The following ME1 variants were observed in gnomAD, a reference collection of about 807,000 sequenced individuals.
ME1 encodes the protein NADP-dependent malic enzyme.
A neutral mutation model predicts 66.4 loss-of-function variants in ME1; 74 were observed. The ratio of observed to expected loss-of-function variants is 1.11; its 90% CI spans 0.92 to 1.35. The LOEUF (loss-of-function observed/expected upper bound fraction) is 1.35, where lower values mean the gene tolerates loss of function less well. Ranked by LOEUF, ME1 falls within the 40% of genes most tolerant of loss-of-function variation. The pLI, the probability that ME1 is intolerant of heterozygous loss-of-function variation, is 0.00. For synonymous variants in ME1, 251 were observed against 235.6 expected, an observed-to-expected ratio of 1.07 and a Z score of -0.60; for missense variants, 750 against 694.1, an observed-to-expected ratio of 1.08 and a Z score of -0.90.
chr6:83,217,885 G>A (rs990208211), intron 12 of ME1, among the ~76,000 whole-genome samples: 7 of 152,146 alleles, frequency 4.6e-5, no homozygotes, highest in African/African-American at 1.4e-4. Context: ...GTTAAATCCC[G>A]TCGGTGACTA....
intron 5 of ME1, among the ~76,000 whole-genome samples, chr6:83,329,108 T>C (rs1768358118): frequency 6.6e-6 from 1 of 152,166 alleles, no homozygotes; most frequent in Non-Finnish European, 1.5e-5. Context: ...TGTCTGAGAA[T>C]TTAAAAATAT....
intron 3 of ME1, chr6:83,393,073 T>C: frequency 6.9e-7 from 1 of 1,447,998 alleles, no homozygotes; most frequent in South Asian, 1.2e-5. Flanking sequence ...ATCCCTGAGC[T>C]AAACGGGAAG....
intron 6 of ME1, among the ~76,000 whole-genome samples, chr6:83,266,479 A>G (rs1414772423): frequency 6.7e-6 from 1 of 149,668 alleles, no homozygotes; most frequent in Non-Finnish European, 1.5e-5. Flanking sequence ...GTCCTGAGTT[A>G]TGTCTATTTA....
At chr6:83,374,010 T>C (rs1769241498) in intron 3 of ME1, among the ~76,000 whole-genome samples, 1 of 152,216 alleles carries the variant, frequency 6.6e-6, no homozygotes, top group Non-Finnish European at 1.5e-5. Flanking sequence ...CAGTCTATCA[T>C]TGATGACCAT....
chr6:83,387,292 A>G (rs1282105997), intron 3 of ME1, among the ~76,000 whole-genome samples: 1 of 152,178 alleles, frequency 6.6e-6, no homozygotes, highest in East Asian at 1.9e-4. Flanking sequence ...CTCTCCTTTG[A>G]TAGTATAATT....
rs1201755125 is a variant in ME1, at chr6:83,349,005, A to AC, written c.439-2672_439-2671insG. ...GTCTCAAAAAAAAAAAAAAAAACAA[A>AC]AAACAAAAAACAGTGCATTCTTTCT... On this transcript the variant is annotated intron_variant, in intron 4 of 13. Coordinates refer to ENST00000369705, the MANE Select transcript of ME1 (RefSeq NM_002395.6). 2.6e-4 allele frequency among the ~76,000 whole-genome samples: 38 copies of AC among 148,408 alleles called. 1 individual carries two copies. Among genetic ancestry groups the AC allele is most frequent in the African/African-American group, 9.5e-4 (38 of 39,970 alleles).
intron 5 of ME1, among the ~76,000 whole-genome samples, chr6:83,333,666 G>A (rs1318578239): frequency 1.3e-5 from 2 of 152,056 alleles, no homozygotes; most frequent in Non-Finnish European, 2.9e-5. Flanking sequence ...TCTATTTTAA[G>A]CAACAGAAAA....
intron 6 of ME1, among the ~76,000 whole-genome samples, chr6:83,258,188 C>A (rs538313010): frequency 6.6e-6 from 1 of 152,162 alleles, no homozygotes; most frequent in East Asian, 1.9e-4. Context: ...GTACAGGATA[C>A]CTTATCATTT....
At chr6:83,421,618 G>A (rs1216038985) in intron 1 of ME1, among the ~76,000 whole-genome samples, 1 of 152,050 alleles carries the variant, frequency 6.6e-6, no homozygotes, top group Admixed American at 6.6e-5. Context: ...TCTCTCTGCT[G>A]TAATCAACTG....
chr6:83,263,805 T>TGC (rs1766940671), intron 6 of ME1, among the ~76,000 whole-genome samples: 1 of 147,434 alleles, frequency 6.8e-6, no homozygotes, highest in Admixed American at 6.9e-5. Flanking sequence ...TAACATAACA[T>TGC]AACATAACAT....
intron 3 of ME1, among the ~76,000 whole-genome samples, chr6:83,360,194 TG>T (rs1301383669): frequency 6.6e-6 from 1 of 152,188 alleles, no homozygotes; most frequent in Non-Finnish European, 1.5e-5. Context: ...CCAGATCCCC[TG>T]GAGGAAGGAC....
At chr6:83,259,514 A>C (rs1350200352) in intron 6 of ME1, among the ~76,000 whole-genome samples, 2 of 152,166 alleles carry the variant, frequency 1.3e-5, no homozygotes, top group African/African-American at 4.8e-5. Context: ...AGAGGTCTCA[A>C]AGTTTGTACT....
intron 3 of ME1, among the ~76,000 whole-genome samples, chr6:83,357,041 C>T (rs1005908762): frequency 2.4e-4 from 36 of 152,284 alleles, no homozygotes; most frequent in Middle Eastern, 3.4e-3. Context: ...GACATTGATA[C>T]TTATGAACAA....
intron 3 of ME1, among the ~76,000 whole-genome samples, chr6:83,380,062 C>G (rs1399386187): frequency 6.6e-6 from 1 of 151,982 alleles, no homozygotes; most frequent in Non-Finnish European, 1.5e-5. Context: ...GTTTATTGCC[C>G]ATTTATTCAC....
intron 5 of ME1, among the ~76,000 whole-genome samples, chr6:83,329,514 A>C (rs907881768): frequency 6.6e-6 from 1 of 152,194 alleles, no homozygotes; most frequent in African/African-American, 2.4e-5. Context: ...GTCTCAAATA[A>C]GGTATCTTTT....
At chr6:83,216,893 T>A (rs1790004693) in intron 12 of ME1, among the ~76,000 whole-genome samples, 1 of 152,032 alleles carries the variant, frequency 6.6e-6, no homozygotes, top group African/African-American at 2.4e-5. Flanking sequence ...ATTGATACAT[T>A]AGGGGAACAA....
chr6:83,394,606 C>T (rs914083686), intron 3 of ME1, among the ~76,000 whole-genome samples: 1 of 152,138 alleles, frequency 6.6e-6, no homozygotes, highest in Non-Finnish European at 1.5e-5. Context: ...CATGGAAATC[C>T]ACATTCAATA....
chr6:83,289,239 G>A (rs774115539), intron 6 of ME1, among the ~76,000 whole-genome samples: 21 of 152,148 alleles, frequency 1.4e-4, no homozygotes, highest in Admixed American at 3.9e-4. Context: ...GTTTTCAAAG[G>A]GAATGCTTCC....
chr6:83,314,068 A>G (rs1385944697), intron 6 of ME1, among the ~76,000 whole-genome samples: 1 of 152,242 alleles, frequency 6.6e-6, no homozygotes, highest in East Asian at 1.9e-4. Context: ...CCAAGGCAAC[A>G]TATGTGTTTT....
Sources: allele counts gnomAD v4.1 joint callset (sites outside exome capture counted in the v4.1 genomes callset), GRCh38; gene constraint gnomAD v4.1.1; transcripts MANE v1.5; gene names NCBI Gene and HGNC (gene_info 2026-07-23, HGNC 2026-07-21).